TAFA2: variants seen among roughly 807,000 people sequenced by gnomAD.
TAFA2 encodes the protein chemokine-like protein TAFA-2.
TAFA2 carries 7 observed loss-of-function variants against 18.8 expected under a neutral mutation model. The ratio of observed to expected loss-of-function variants is 0.37; its 90% CI spans 0.21 to 0.70. TAFA2 has a LOEUF of 0.70. Ranked by LOEUF, TAFA2 falls within the 30% of genes least tolerant of loss-of-function variation. The pLI is 0.53. For synonymous variants in TAFA2, 60 were observed against 54.2 expected (o/e 1.11, Z -0.47); for missense variants, 122 against 158.1 (o/e 0.77, Z 1.23).
intron 1 of TAFA2, among the ~76,000 whole-genome samples, chr12:61,876,729 T>C (rs534885461): frequency 6.6e-6 from 1 of 151,932 alleles, no homozygotes; most frequent in African/African-American, 2.4e-5. Flanking sequence ...ATAGTAGTTA[T>C]GTGTCAAAAA....
At chr12:62,156,010 C>T (rs1392112278) in intron 1 of TAFA2, among the ~76,000 whole-genome samples, 1 of 152,136 alleles carries the variant, frequency 6.6e-6, no homozygotes, top group African/African-American at 2.4e-5. Context: ...AACAGACAAC[C>T]CACAGAGTGG....
chr12:61,881,919 G>GA lies in TAFA2; in HGVS notation c.-1-14494dup, dbSNP rs981767695. Among the ~76,000 whole-genome samples, 1,171 of 139,300 alleles carry GA rather than the reference G, an allele frequency of 8.4e-3. 11 individuals are homozygous for GA. The highest frequency in any genetic ancestry group is 0.029 in the African/African-American group (1,102 of 37,928). 91.4% of individuals were successfully genotyped at this position (139,300 alleles called of 152,430 possible). A position where few individuals can be genotyped will look rare whatever the true frequency, so the allele number is the denominator to read the frequency against. On this transcript the variant is annotated intron_variant, in intron 1 of 4. Transcript: ENST00000416284. ...ACTGTGTAAACTCTGACTTGAATCAGAAAAAAAAAAGCAAGAAGGGAACAT... is the reference window on the plus strand; with the variant it reads ...ACTGTGTAAACTCTGACTTGAATCAGAAAAAAAAAAAGCAAGAAGGGAACAT...
rs2062407200 is a variant in TAFA2, at chr12:62,161,572, T to C, written c.-2+29687A>G. Among the ~76,000 whole-genome samples, 4 of 152,094 alleles carry C rather than the reference T, an allele frequency of 2.6e-5. No homozygotes were observed. The South Asian group carries it at 8.3e-4, about 31-fold the overall frequency. On this transcript the variant is annotated intron_variant, in intron 1 of 4. Transcript: ENST00000416284. Reference sequence around the variant, plus strand: ...ATGGTGAGAGGGCAGGAGGGGGTGATGCTGAGAGATGACTTAATGGGTGCA... The same window carrying C: ...ATGGTGAGAGGGCAGGAGGGGGTGACGCTGAGAGATGACTTAATGGGTGCA...
At chr12:61,952,395 A>G (rs1878500681) in intron 1 of TAFA2, among the ~76,000 whole-genome samples, 1 of 152,170 alleles carries the variant, frequency 6.6e-6, no homozygotes, top group Non-Finnish European at 1.5e-5. Context: ...TTCATCTTCA[A>G]TTCACTTTGC....
intron 1 of TAFA2, among the ~76,000 whole-genome samples, chr12:61,996,637 G>A (rs1196252845): frequency 2.0e-5 from 3 of 152,130 alleles, no homozygotes; most frequent in African/African-American, 4.8e-5. Flanking sequence ...GCTGCCCACA[G>A]TTGTAAGCAG....
chr12:62,036,589 T>C (rs1881618463), intron 1 of TAFA2, among the ~76,000 whole-genome samples: 1 of 152,224 alleles, frequency 6.6e-6, no homozygotes, highest in South Asian at 2.1e-4. Flanking sequence ...ACATAGCAAT[T>C]GCTAAATAAA....
rs17125680 is a variant in TAFA2 at position 62,026,131 on chromosome 12, C to T, written c.-1-158705G>A. ...ATCATCCTGTTTAGATGAGCATAAACATTAACCATGAAAAGGATTAATTAA... is the reference window on the plus strand; with the variant it reads ...ATCATCCTGTTTAGATGAGCATAAATATTAACCATGAAAAGGATTAATTAA... On this transcript the variant is annotated intron_variant, in intron 1 of 4. Coordinates refer to ENST00000416284, the MANE Select transcript of TAFA2 (RefSeq NM_178539.5). Among the ~76,000 whole-genome samples the T allele has an allele frequency of 7.4e-3, 1,121 of 152,210 alleles. 17 individuals are homozygous for T. Among genetic ancestry groups the T allele is most frequent in the African/African-American group, 0.026 (1,083 of 41,522 alleles).
intron 1 of TAFA2, among the ~76,000 whole-genome samples, chr12:62,254,978 T>A (rs1592422213): frequency 6.6e-6 from 1 of 152,224 alleles, no homozygotes; most frequent in Non-Finnish European, 1.5e-5. Flanking sequence ...AGCTGCAGAA[T>A]CACTGGACCA....
chr12:62,078,449 C>A (rs1428294240), intron 1 of TAFA2, among the ~76,000 whole-genome samples: 2 of 150,462 alleles, frequency 1.3e-5, no homozygotes, highest in African/African-American at 4.9e-5. Flanking sequence ...TCAGATCCAG[C>A]CAGCTAAAGA....
At chr12:61,744,791 TCCTCCCA>T (rs1157671471) in intron 4 of TAFA2, among the ~76,000 whole-genome samples, 1 of 151,922 alleles carries the variant, frequency 6.6e-6, no homozygotes, top group Non-Finnish European at 1.5e-5. Context: ...CCTCAAGCAA[TCCTCCCA>T]CCTCCCACCT....
upstream of TAFA2, among the ~76,000 whole-genome samples, chr12:62,197,145 G>A (rs941258716): frequency 1.3e-5 from 2 of 152,164 alleles, no homozygotes; most frequent in Non-Finnish European, 2.9e-5. Flanking sequence ...ATCTGAGGTG[G>A]GATGGTTTCA....
intron 1 of TAFA2, among the ~76,000 whole-genome samples, chr12:62,032,563 T>C (rs1484298189): frequency 6.6e-6 from 1 of 152,210 alleles, no homozygotes; most frequent in Admixed American, 6.5e-5. Context: ...ACCCCCGGCA[T>C]GAAAAGCATT....
At position 61,709,809 on chromosome 12, in the gene TAFA2, T is replaced by C. The variant is rs1394042928; in HGVS notation, c.*597A>G. The C allele has an allele frequency of 2.0e-5, 3 of 152,168 alleles. No homozygotes were observed. Among genetic ancestry groups the C allele is most frequent in the African/African-American group, 7.2e-5 (3 of 41,446 alleles). The allele number at this position is 152,168 out of a possible 1,614,324, so 9.4% of individuals were successfully genotyped here. ...AGATAACTATTACTTGCCAACATTATTACCAATGGATATATATTTCCATTC... is the reference window on the plus strand; with the variant it reads ...AGATAACTATTACTTGCCAACATTACTACCAATGGATATATATTTCCATTC... On this transcript the variant is annotated 3_prime_UTR_variant, in exon 5 of 5. Coordinates refer to ENST00000416284, the MANE Select transcript of TAFA2 (RefSeq NM_178539.5).
intron 2 of TAFA2, among the ~76,000 whole-genome samples, chr12:61,804,531 A>C (rs545679557): frequency 6.6e-6 from 1 of 152,116 alleles, no homozygotes; most frequent in East Asian, 1.9e-4. Context: ...GGATTAGGTA[A>C]AGTTCAAAGC....
chr12:61,981,951 A>C (rs967522455), intron 1 of TAFA2, among the ~76,000 whole-genome samples: 1 of 152,192 alleles, frequency 6.6e-6, no homozygotes, highest in African/African-American at 2.4e-5. Flanking sequence ...TATATACCCA[A>C]ATAATTATAA....
intron 4 of TAFA2, among the ~76,000 whole-genome samples, chr12:61,746,818 T>G (rs76094193): frequency 1.3e-5 from 2 of 152,228 alleles, no homozygotes; most frequent in South Asian, 4.1e-4. Flanking sequence ...TAGGAGGCAA[T>G]AAAGACTTTT....
chr12:62,149,459 T>C (rs1409678196), intron 1 of TAFA2, among the ~76,000 whole-genome samples: 2 of 151,910 alleles, frequency 1.3e-5, no homozygotes, highest in East Asian at 3.8e-4. Flanking sequence ...TTATTTTACA[T>C]GCTTTATATA....
At chr12:62,144,777 GT>G (rs745715549) in intron 1 of TAFA2, among the ~76,000 whole-genome samples, 1 of 151,978 alleles carries the variant, frequency 6.6e-6, no homozygotes, top group African/African-American at 2.4e-5. Flanking sequence ...AAGGCTGGCA[GT>G]TTTTTTTATT....
chr12:61,749,109 TAA>T (rs34814133), intron 4 of TAFA2, among the ~76,000 whole-genome samples: 7 of 122,142 alleles, frequency 5.7e-5, no homozygotes, highest in East Asian at 2.4e-4. Context: ...TTACTAAAAA[TAA>T]AAAAAAAAAA....
Sources: gnomAD v4.1 joint callset for allele counts (sites outside exome capture counted in the v4.1 genomes callset) on GRCh38, gnomAD v4.1.1 for gene constraint, MANE v1.5 for transcripts, NCBI Gene and HGNC (gene_info 2026-07-23, HGNC 2026-07-21) for gene names.